CACNA2D3: variants seen among roughly 807,000 people sequenced by gnomAD.
CACNA2D3 encodes calcium voltage-gated channel auxiliary subunit alpha2delta 3.
In CACNA2D3, 60 loss-of-function variants were observed where a neutral mutation model predicts 160.6. The observed-to-expected ratio is 0.37, with a 90% CI of 0.30 to 0.46. CACNA2D3 has a LOEUF of 0.46. CACNA2D3 is among the 20% of genes least tolerant of loss of function. The pLI is 1.00. For synonymous variants in CACNA2D3, 558 were observed against 492.9 expected (o/e 1.13, Z -1.75); for missense variants, 1,205 against 1,365.0 (o/e 0.88, Z 1.85).
intron 8 of CACNA2D3, among the ~76,000 whole-genome samples, chr3:54,572,678 G>T (rs1208132585): frequency 6.6e-6 from 1 of 152,210 alleles, no homozygotes; most frequent in Non-Finnish European, 1.5e-5. Context: ...CTTTCAGATA[G>T]TTAGAACTTT....
intron 13 of CACNA2D3, among the ~76,000 whole-genome samples, chr3:54,782,294 C>T (rs1300093293): frequency 1.3e-5 from 2 of 152,172 alleles, no homozygotes; most frequent in South Asian, 2.1e-4. Context: ...TATAACAATG[C>T]TGTATTATAT....
At chr3:54,428,206 C>T (rs1481703935) in intron 4 of CACNA2D3, among the ~76,000 whole-genome samples, 2 of 152,108 alleles carry the variant, frequency 1.3e-5, no homozygotes, top group Non-Finnish European at 2.9e-5. Flanking sequence ...TTTATAAAAC[C>T]CAGGGCTCGG....
chr3:54,447,287 A>T lies in CACNA2D3; in HGVS notation c.382-56205A>T, dbSNP rs1168243335. On this transcript the variant is annotated intron_variant, in intron 4 of 37. Coordinates refer to ENST00000474759, the MANE Select transcript of CACNA2D3 (RefSeq NM_018398.3). The stretch of plus-strand genomic sequence containing the variant: ...ATTAACGATGAATTTGTTGCCAAGA[A>T]GATTAAAATTGAGAATGTATGAAAA... Among the ~76,000 whole-genome samples the T allele has an allele frequency of 2.0e-5, 3 of 152,360 alleles. No homozygotes were observed. The East Asian group carries it at 5.8e-4, about 29-fold the overall frequency.
intron 35 of CACNA2D3, among the ~76,000 whole-genome samples, chr3:55,064,110 T>C (rs969051167): frequency 6.6e-6 from 1 of 152,064 alleles, no homozygotes; most frequent in Non-Finnish European, 1.5e-5. Flanking sequence ...GGTGCGCAGC[T>C]CAGCAGCCGC....
chr3:54,725,714 C>G (rs570763714), intron 11 of CACNA2D3, among the ~76,000 whole-genome samples: 2 of 152,242 alleles, frequency 1.3e-5, no homozygotes, highest in South Asian at 4.1e-4. Context: ...ATTCAACACC[C>G]CTTCATGCCC....
chr3:54,574,092 G>A (rs925795217), intron 8 of CACNA2D3, among the ~76,000 whole-genome samples: 3 of 152,078 alleles, frequency 2.0e-5, no homozygotes, highest in South Asian at 2.1e-4. Flanking sequence ...TTCCATTTAC[G>A]AAAGAGGACA....
chr3:54,227,256 C>T (rs953361260), intron 2 of CACNA2D3, among the ~76,000 whole-genome samples: 11 of 152,092 alleles, frequency 7.2e-5, no homozygotes, highest in East Asian at 1.9e-4. Context: ...TGTTTGGCAC[C>T]GGGAGAAATG....
intron 11 of CACNA2D3, among the ~76,000 whole-genome samples, chr3:54,742,417 CAAAAAATAATA>C (rs1389452079): frequency 5.9e-5 from 9 of 151,758 alleles, no homozygotes; most frequent in Non-Finnish European, 1.2e-4. Context: ...GACTGTGTCT[CAAAAAATAATA>C]AATAAATAAA....
intron 35 of CACNA2D3, among the ~76,000 whole-genome samples, chr3:55,023,991 A>G (rs924645503): frequency 1.6e-5 from 2 of 128,780 alleles, no homozygotes; most frequent in African/African-American, 6.0e-5. Flanking sequence ...TTACTATTTC[A>G]TCTAGTGTGT....
intron 10 of CACNA2D3, among the ~76,000 whole-genome samples, chr3:54,641,648 C>T (rs960173075): frequency 2.6e-5 from 4 of 152,122 alleles, no homozygotes; most frequent in African/African-American, 9.7e-5. Flanking sequence ...CCTTGATTTC[C>T]TTCAGGGCCT....
At position 54,618,352 on chromosome 3, in the gene CACNA2D3, C is replaced by CATATATATAT. The variant is rs140732966; in HGVS notation, c.964-9422_964-9413dup. Reference sequence around the variant, plus strand: ...AAGTTCAAATTGATGTTGATACATACATATATATATATATATATATATGCA... The same window carrying CATATATATAT: ...AAGTTCAAATTGATGTTGATACATACATATATATATATATATATATATATATATATATGCA... On this transcript the variant is annotated intron_variant, in intron 9 of 37. Coordinates refer to ENST00000474759, the MANE Select transcript of CACNA2D3 (RefSeq NM_018398.3). 2.9e-3 allele frequency among the ~76,000 whole-genome samples: 343 copies of CATATATATAT among 119,858 alleles called. 3 individuals carry two copies. Among genetic ancestry groups the CATATATATAT allele is most frequent in the Admixed American group, 8.8e-3 (101 of 11,504 alleles). 78.6% of individuals were successfully genotyped at this position (119,858 alleles called of 152,430 possible).
At chr3:54,686,101 C>T (rs1274196931) in intron 11 of CACNA2D3, among the ~76,000 whole-genome samples, 1 of 152,188 alleles carries the variant, frequency 6.6e-6, no homozygotes, top group East Asian at 1.9e-4. Flanking sequence ...GAGCAATCTC[C>T]CTATCTAGCT....
chr3:55,004,331 G>A (rs898240439), intron 31 of CACNA2D3, among the ~76,000 whole-genome samples: 13 of 152,204 alleles, frequency 8.5e-5, no homozygotes, highest in African/African-American at 3.1e-4. Flanking sequence ...AAGAAACACA[G>A]AATCCTGCCA....
chr3:54,973,505 A>T (rs1039523179), intron 29 of CACNA2D3, among the ~76,000 whole-genome samples: 15 of 152,216 alleles, frequency 9.9e-5, no homozygotes, highest in Non-Finnish European at 1.8e-4. Context: ...AAAGGAATAG[A>T]GGCTAATAAC....
In CACNA2D3 at chr3:54,225,336, A is replaced by G. The variant is rs142965357; in HGVS notation, c.205-95106A>G. On this transcript the variant is annotated intron_variant, in intron 2 of 37. Coordinates refer to ENST00000474759, the MANE Select transcript of CACNA2D3 (RefSeq NM_018398.3). Reference sequence around the variant, plus strand: ...CCATGGTGTATATGTGCATGACTGAATATCTTTTATCACCTTCTGAAATTT... The same window carrying G: ...CCATGGTGTATATGTGCATGACTGAGTATCTTTTATCACCTTCTGAAATTT... Among the ~76,000 whole-genome samples, 305 of 152,274 alleles carry G rather than the reference A, an allele frequency of 2.0e-3. 1 individual carries two copies. Among genetic ancestry groups the G allele is most frequent in the African/African-American group, 6.2e-3 (258 of 41,562 alleles).
intron 2 of CACNA2D3, among the ~76,000 whole-genome samples, chr3:54,162,307 C>T (rs1700360539): frequency 6.6e-6 from 1 of 152,110 alleles, no homozygotes. Flanking sequence ...CTGCTGGGAC[C>T]TCATCTGGGA....
intron 13 of CACNA2D3, among the ~76,000 whole-genome samples, chr3:54,806,345 T>C (rs1261252662): frequency 6.6e-6 from 1 of 152,156 alleles, no homozygotes; most frequent in African/African-American, 2.4e-5. Flanking sequence ...GATAAGCAAC[T>C]TCAGCAAAGT....
intron 35 of CACNA2D3, among the ~76,000 whole-genome samples, chr3:55,054,467 T>C (rs1704314085): frequency 6.6e-6 from 1 of 151,816 alleles, no homozygotes. Flanking sequence ...TAAAATATTT[T>C]ATTCTTTCTG....
chr3:54,794,394 A>C (rs1702825391), intron 13 of CACNA2D3, among the ~76,000 whole-genome samples: 1 of 152,224 alleles, frequency 6.6e-6, no homozygotes, highest in Non-Finnish European at 1.5e-5. Flanking sequence ...TATGTTATAA[A>C]CCTCACAATA....
Sources: gnomAD v4.1 joint callset for allele counts (sites outside exome capture counted in the v4.1 genomes callset) on GRCh38, gnomAD v4.1.1 for gene constraint, MANE v1.5 for transcripts, NCBI Gene and HGNC (gene_info 2026-07-23, HGNC 2026-07-21) for gene names.